The following TMEM229B variants were observed in gnomAD, a reference collection of about 807,000 sequenced individuals.
The protein encoded by TMEM229B is chromosome 14 open reading frame 83.
TMEM229B carries 6 observed loss-of-function variants against 13.7 expected under a neutral mutation model. The observed-to-expected ratio is 0.44, with a 90% CI of 0.24 to 0.86. The LOEUF is 0.86. Among genes scored for constraint, TMEM229B ranks in the 40% least tolerant of loss-of-function variants. TMEM229B has a pLI of 0.23. For synonymous variants in TMEM229B, 107 were observed against 102.1 expected, an observed-to-expected ratio of 1.05 and a Z score of -0.29; for missense variants, 170 against 236.0, an observed-to-expected ratio of 0.72 and a Z score of 1.83.
chr14:67,522,212 G>A (rs972790613), intron 1 of TMEM229B, among the ~76,000 whole-genome samples: 1 of 152,056 alleles, frequency 6.6e-6, no homozygotes, highest in South Asian at 2.1e-4. Context: ...AGAAAGTTGG[G>A]GATTGTGCGG....
intron 2 of TMEM229B, among the ~76,000 whole-genome samples, chr14:67,477,282 T>C (rs1471281159): frequency 2.0e-5 from 3 of 152,244 alleles, no homozygotes; most frequent in Non-Finnish European, 2.9e-5. Context: ...CTTCAGCCTT[T>C]TCCTCACAAT....
chr14:67,496,400 T>TTTG (rs901470290), intron 1 of TMEM229B, among the ~76,000 whole-genome samples: 3 of 123,166 alleles, frequency 2.4e-5, no homozygotes, highest in Non-Finnish European at 5.1e-5. Flanking sequence ...CGTTTTTTTT[T>TTTG]TTTTTTTTTT....
At chr14:67,513,683 T>C (rs1276099182) in intron 1 of TMEM229B, among the ~76,000 whole-genome samples, 1 of 152,170 alleles carries the variant, frequency 6.6e-6, no homozygotes, top group East Asian at 1.9e-4. Flanking sequence ...CCTTGTATCA[T>C]TAGGTCATTC....
upstream of TMEM229B, among the ~76,000 whole-genome samples, chr14:67,491,167 C>T (rs995555499): frequency 6.6e-6 from 1 of 152,094 alleles, no homozygotes. Flanking sequence ...TCACAGAACC[C>T]GGGGAAACAC....
chr14:67,473,591 G>A lies in TMEM229B; in HGVS notation c.333C>T (p.Asp111=). 6.2e-7 allele frequency: 1 copy of A among 1,608,538 alleles called. No homozygotes were observed. The highest frequency in any genetic ancestry group is 2.2e-5 in the East Asian group (1 of 44,704). ...ACTCCAGGGTGATGAGGCCCATGAA[G>A]TCAAAGTCGAACTGGGAGTAGTCCC... is the stretch of plus-strand genomic sequence containing the variant. ...CPWDYSQFDF[D]FMGLITLEYA... is the part of the protein sequence containing the mutation. The change falls in exon 3 of 3, where the codon GAC becomes GAT. Residue 111 remains aspartate (D), a synonymous_variant. Coordinates refer to ENST00000554480, the MANE Select transcript of TMEM229B (RefSeq NM_001348543.2). The surrounding 1 kb of genome is among the most constrained non-coding windows in gnomAD (Gnocchi z 6.5).
At chr14:67,501,943 T>A (rs1250972255) in intron 1 of TMEM229B, among the ~76,000 whole-genome samples, 1 of 152,172 alleles carries the variant, frequency 6.6e-6, no homozygotes, top group Non-Finnish European at 1.5e-5. Flanking sequence ...GTCACTTGAG[T>A]GAAAGAAAAT....
chr14:67,516,880 G>A (rs1001905019), upstream of TMEM229B, among the ~76,000 whole-genome samples: 3 of 152,180 alleles, frequency 2.0e-5, no homozygotes, highest in Non-Finnish European at 4.4e-5. Flanking sequence ...AGACAGCCAC[G>A]TGCTACCAGT....
rs1178525975 is a variant in TMEM229B at position 67,471,243 on chromosome 14, T to G, written c.*2177A>C. 6.6e-6 allele frequency: 1 copy of G among 152,204 alleles called. No homozygotes were observed. Among genetic ancestry groups the G allele is most frequent in the East Asian group, 1.9e-4 (1 of 5,204 alleles). The allele number at this position is 152,204 out of a possible 1,614,324, so 9.4% of individuals were successfully genotyped here. A position where few individuals can be genotyped will look rare whatever the true frequency, so the allele number is the denominator to read the frequency against. ...AGGCAACTTCTGGAGCAGCAAGACCTGGTGGGCCAATCAAGGATTTGCTCT... is the reference window on the plus strand; with the variant it reads ...AGGCAACTTCTGGAGCAGCAAGACCGGGTGGGCCAATCAAGGATTTGCTCT... On this transcript the variant is annotated 3_prime_UTR_variant, in exon 3 of 3. Transcript: ENST00000554480.
chr14:67,475,997 C>T (rs2031168982), intron 2 of TMEM229B, among the ~76,000 whole-genome samples: 1 of 152,222 alleles, frequency 6.6e-6, no homozygotes, highest in South Asian at 2.1e-4. Context: ...ATGACATGTC[C>T]TGTTCATGTG....
upstream of TMEM229B, among the ~76,000 whole-genome samples, chr14:67,490,291 C>G (rs534511818): frequency 6.6e-6 from 1 of 152,148 alleles, no homozygotes; most frequent in Non-Finnish European, 1.5e-5. Context: ...TCTCCCATCT[C>G]CAGGAGCCAT....
chr14:67,499,454 C>A (rs1199754561), intron 1 of TMEM229B, among the ~76,000 whole-genome samples: 1 of 152,106 alleles, frequency 6.6e-6, no homozygotes, highest in Non-Finnish European at 1.5e-5. Context: ...AGCATAGTGA[C>A]AATAGGTAGA....
chr14:67,522,722 T>C (rs2140273002), intron 1 of TMEM229B, among the ~76,000 whole-genome samples: 1 of 152,270 alleles, frequency 6.6e-6, no homozygotes, highest in Middle Eastern at 3.4e-3. Flanking sequence ...GTCAAAAGGT[T>C]TCTCCCATAG....
chr14:67,505,471 T>C (rs1317868721), intron 1 of TMEM229B, among the ~76,000 whole-genome samples: 1 of 152,192 alleles, frequency 6.6e-6, no homozygotes, highest in Non-Finnish European at 1.5e-5. Context: ...CAAGGGAGAC[T>C]GCTGAGCTGG....
intron 2 of TMEM229B, among the ~76,000 whole-genome samples, chr14:67,481,667 T>G (rs1212613434): frequency 6.6e-6 from 1 of 152,214 alleles, no homozygotes; most frequent in Non-Finnish European, 1.5e-5. Flanking sequence ...GCACAGGAGC[T>G]GTGCTTAACT....
At chr14:67,480,575 G>A (rs112629588) in intron 2 of TMEM229B, among the ~76,000 whole-genome samples, 257 of 152,184 alleles carry the variant, frequency 1.7e-3, no homozygotes, top group African/African-American at 3.2e-3. Flanking sequence ...ACACTGAGGC[G>A]GTCTGAGGGC....
In TMEM229B at chr14:67,488,544, C is replaced by G. The variant is rs1566682857; in HGVS notation, c.-228G>C. 6.6e-6 allele frequency: 1 copy of G among 152,474 alleles called. No homozygotes were observed. Among genetic ancestry groups the G allele is most frequent in the East Asian group, 1.9e-4 (1 of 5,184 alleles). The allele number at this position is 152,474 out of a possible 1,614,324, so 9.4% of individuals were successfully genotyped here. ...AGCCTGCCGGATGGCGGACAGGGGT[C>G]ACCTTGACACGTACCTATCACCTTG... On this transcript the variant is annotated 5_prime_UTR_variant, in exon 1 of 3. Transcript: ENST00000554480.
upstream of TMEM229B, among the ~76,000 whole-genome samples, chr14:67,489,705 A>G (rs1474035604): frequency 6.6e-6 from 1 of 152,142 alleles, no homozygotes; most frequent in East Asian, 1.9e-4. Context: ...AATTCTTTCT[A>G]TGTAGCCGGG....
At chr14:67,493,743 G>A (rs758394827) in intron 1 of TMEM229B, among the ~76,000 whole-genome samples, 7 of 152,210 alleles carry the variant, frequency 4.6e-5, no homozygotes, top group Non-Finnish European at 8.8e-5. Flanking sequence ...AGCCAATCCT[G>A]AGATTCTTGT....
intron 1 of TMEM229B, among the ~76,000 whole-genome samples, chr14:67,504,000 C>A (rs1029898745): frequency 2.1e-5 from 3 of 140,256 alleles, no homozygotes; most frequent in South Asian, 2.3e-4. Flanking sequence ...CTGTGCCCAG[C>A]CTATTTTTTA....
Sources: allele counts gnomAD v4.1 joint callset (sites outside exome capture counted in the v4.1 genomes callset), GRCh38; gene constraint gnomAD v4.1.1; non-coding constraint Gnocchi (gnomAD v3.1); transcripts MANE v1.5; gene names NCBI Gene and HGNC (gene_info 2026-07-23, HGNC 2026-07-21).